The following THTPA variants were observed in gnomAD, a reference collection of about 807,000 sequenced individuals.
The protein encoded by THTPA is thiamine-triphosphatase.
A neutral mutation model predicts 16.5 loss-of-function variants in THTPA; 16 were observed. The observed-to-expected ratio is 0.97, with a 90% CI of 0.66 to 1.47. The LOEUF (loss-of-function observed/expected upper bound fraction) is 1.47, where lower values mean the gene tolerates loss of function less well. THTPA is among the 40% of genes most tolerant of loss of function. THTPA has a pLI of 0.00. For synonymous variants in THTPA, 110 were observed against 115.5 expected (o/e 0.95, Z 0.30); for missense variants, 281 against 280.9 (o/e 1.00, Z 0.00).
rs1566603230 is a variant in THTPA, at chr14:23,557,216, C to CG, written c.460dup (p.Ala154GlyfsTer4). 1 of 1,613,760 alleles carries CG rather than the reference C, an allele frequency of 6.2e-7. No homozygotes were observed. Among genetic ancestry groups the CG allele is most frequent in the African/African-American group, 1.3e-5 (1 of 75,010 alleles). On this transcript the variant is annotated frameshift_variant, in exon 1 of 2. Coordinates refer to ENST00000288014, the MANE Select transcript of THTPA (RefSeq NM_024328.6). LOFTEE classifies it high-confidence loss of function. ...ACTTGGATACAGCCGACTTTGGCTA[C>CG]GCTGTGGGTGAGGTAGAGGCCCTGG... is the stretch of plus-strand genomic sequence containing the variant.
At chr14:23,522,335 T>C in the THTPA span, 1 of 1,533,854 alleles carries the variant, frequency 6.5e-7, no homozygotes. Flanking sequence ...CAGGTAGCGA[T>C]GGGTTACATC....
the THTPA span, chr14:23,534,519 C>T: frequency 6.5e-7 from 1 of 1,536,028 alleles, no homozygotes; most frequent in African/African-American, 1.4e-5. The surrounding 1 kb of genome is among the most constrained non-coding windows in gnomAD (Gnocchi z 4.5). Context: ...CTGACAGGCC[C>T]TGATATTGGG....
At chr14:23,545,862 G>C in the THTPA span, among the ~76,000 whole-genome samples, 8 of 152,198 alleles carry the variant, frequency 5.3e-5, no homozygotes, top group Admixed American at 1.3e-4. Flanking sequence ...ACAAAACAAG[G>C]AATGAAAAAT....
chr14:23,516,891 G>A, the THTPA span, among the ~76,000 whole-genome samples: 3 of 152,218 alleles, frequency 2.0e-5, no homozygotes, highest in Non-Finnish European at 4.4e-5. Flanking sequence ...ATATGGGGCA[G>A]TGCTGAGCCC....
At chr14:23,551,987 T>C (rs1882000224), upstream of THTPA, among the ~76,000 whole-genome samples, 1 of 152,220 alleles carries the variant, frequency 6.6e-6, no homozygotes. The surrounding 1 kb of genome is among the most constrained non-coding windows in gnomAD (Gnocchi z 5.3). Context: ...CCTCTCCTCT[T>C]CATCCTGTGG....
the THTPA span, chr14:23,532,771 C>T: frequency 1.3e-6 from 2 of 1,536,312 alleles, no homozygotes; most frequent in Non-Finnish European, 1.7e-6. Flanking sequence ...CCAGCTGGTA[C>T]TTCTGAGCAT....
At chr14:23,548,902 C>T in the THTPA span, among the ~76,000 whole-genome samples, 5 of 152,220 alleles carry the variant, frequency 3.3e-5, no homozygotes, top group Admixed American at 2.0e-4. Context: ...GTCCTCCTCA[C>T]ACCAGAGGCA....
At chr14:23,535,857 G>T in the THTPA span, among the ~76,000 whole-genome samples, 1 of 152,138 alleles carries the variant, frequency 6.6e-6, no homozygotes, top group Non-Finnish European at 1.5e-5. The surrounding 1 kb of genome is among the most constrained non-coding windows in gnomAD (Gnocchi z 4.5). Context: ...CTCCCAAAGT[G>T]CTAGGATTAT....
At chr14:23,527,454 G>A in the THTPA span, 30 of 1,041,890 alleles carry the variant, frequency 2.9e-5, no homozygotes, top group East Asian at 1.0e-4. Flanking sequence ...AGGCCTTGTC[G>A]GACCGTCCTC....
At chr14:23,527,021 C>G in the THTPA span, 8 of 1,461,122 alleles carry the variant, frequency 5.5e-6, no homozygotes, top group African/African-American at 1.1e-4. Flanking sequence ...CCCCACTGCC[C>G]CTATGCCACT....
At chr14:23,530,198 T>G in the THTPA span, 1 of 1,529,580 alleles carries the variant, frequency 6.5e-7, no homozygotes, top group Non-Finnish European at 8.8e-7. Flanking sequence ...GCCTTCCCTG[T>G]GTAGGATGGG....
At chr14:23,521,727 C>A in the THTPA span, 1 of 659,744 alleles carries the variant, frequency 1.5e-6, no homozygotes, top group Non-Finnish European at 2.4e-6. Flanking sequence ...GCAAGGGCTA[C>A]ATCTGCAAGG....
chr14:23,527,820 G>T, the THTPA span: 1 of 1,534,170 alleles, frequency 6.5e-7, no homozygotes, highest in South Asian at 1.2e-5. Flanking sequence ...GGGAACATAT[G>T]GGCAGTGGAC....
At chr14:23,524,126 G>T in the THTPA span, 1 of 1,535,764 alleles carries the variant, frequency 6.5e-7, no homozygotes, top group Admixed American at 2.0e-5. The surrounding 1 kb of genome is among the most constrained non-coding windows in gnomAD (Gnocchi z 5.6). Context: ...CTTGGGCAAG[G>T]ATGCAGGGGT....
chr14:23,525,740 G>A, the THTPA span: 2 of 1,512,824 alleles, frequency 1.3e-6, no homozygotes, highest in African/African-American at 2.8e-5. The surrounding 1 kb of genome is among the most constrained non-coding windows in gnomAD (Gnocchi z 5.9). Context: ...CTCAGCCTTG[G>A]GAGGTTGGGG....
the THTPA span, chr14:23,525,329 T>A: frequency 6.5e-7 from 1 of 1,536,020 alleles, no homozygotes; most frequent in Non-Finnish European, 8.7e-7. This position sits in a 1 kb window ranked among gnomAD's most constrained non-coding sequence, Gnocchi z 5.9. Context: ...CAGAGACCCA[T>A]CAGGAGGTTT....
At chr14:23,526,194 A>T in the THTPA span, 1 of 1,536,480 alleles carries the variant, frequency 6.5e-7, no homozygotes, top group East Asian at 2.4e-5. Flanking sequence ...CAGACTGTGC[A>T]CTTAAAGGGC....
the THTPA span, chr14:23,523,365 G>C: frequency 1.4e-6 from 2 of 1,476,266 alleles, no homozygotes; most frequent in Non-Finnish European, 1.8e-6. This position sits in a 1 kb window ranked among gnomAD's most constrained non-coding sequence, Gnocchi z 4.1. Context: ...TCAGGTGCTG[G>C]GGCCAAGTCG....
At chr14:23,517,909 A>G in the THTPA span, among the ~76,000 whole-genome samples, 376 of 152,284 alleles carry the variant, frequency 2.5e-3, 1 homozygote, top group Middle Eastern at 0.014. Flanking sequence ...TTAATATTCA[A>G]CATTTGGTCA....
Sources: gnomAD v4.1 joint callset for allele counts (sites outside exome capture counted in the v4.1 genomes callset) on GRCh38, gnomAD v4.1.1 for gene constraint, Gnocchi (gnomAD v3.1) non-coding constraint, MANE v1.5 for transcripts, NCBI Gene and HGNC (gene_info 2026-07-23, HGNC 2026-07-21) for gene names.